HACD4: variants seen among roughly 807,000 people sequenced by gnomAD.
HACD4 encodes 3-hydroxyacyl-CoA dehydratase 4.
In HACD4, 35 loss-of-function variants were observed where a neutral mutation model predicts 33.3. That is an observed-to-expected ratio of 1.05 (90% CI 0.80 to 1.39). The LOEUF (loss-of-function observed/expected upper bound fraction) is 1.39, where lower values mean the gene tolerates loss of function less well. Among genes scored for constraint, HACD4 ranks in the 40% most tolerant of loss-of-function variants. HACD4 has a pLI of 0.00. For synonymous variants in HACD4, 118 were observed against 98.0 expected (o/e 1.20, Z -1.21); for missense variants, 323 against 276.5 (o/e 1.17, Z -1.19).
At chr9:21,026,242 T>G (rs1235485515) in intron 3 of HACD4, among the ~76,000 whole-genome samples, 1 of 152,232 alleles carries the variant, frequency 6.6e-6, no homozygotes. Context: ...CCCATAGTGG[T>G]AAGCAGAAAA....
At chr9:21,013,115 CTTT>C (rs977714563) in intron 4 of HACD4, among the ~76,000 whole-genome samples, 13 of 149,934 alleles carry the variant, frequency 8.7e-5, no homozygotes, top group African/African-American at 3.2e-4. Context: ...TCCAATTTAT[CTTT>C]TTTTTCTTTT....
chr9:21,008,239 T>A (rs1054209741), intron 5 of HACD4, 93 bp from the exon 6 acceptor site: 1 of 1,126,710 alleles, frequency 8.9e-7, no homozygotes, highest in South Asian at 2.1e-5. Context: ...ATATTTTGAA[T>A]TTGATAATGA....
At chr9:21,013,869 T>C (rs796508812) in intron 4 of HACD4, among the ~76,000 whole-genome samples, 3 of 152,196 alleles carry the variant, frequency 2.0e-5, no homozygotes, top group African/African-American at 7.2e-5. Flanking sequence ...CATCTGCCAA[T>C]AGAGATAGTT....
intron 4 of HACD4, among the ~76,000 whole-genome samples, chr9:21,012,515 C>A (rs1842459603): frequency 6.6e-6 from 1 of 152,216 alleles, no homozygotes; most frequent in South Asian, 2.1e-4. Context: ...GTAAATCTCT[C>A]TCAATCCAGG....
chr9:21,005,423 G>A lies in HACD4; in HGVS notation c.*1614C>T, dbSNP rs59467007. On this transcript the variant is annotated 3_prime_UTR_variant, in exon 7 of 7. Transcript: ENST00000495827. The surrounding 1 kb of genome is among the most constrained non-coding windows in gnomAD (Gnocchi z 4.0). Reference sequence around the variant, plus strand: ...AAGTCATCCAATTAGATTTATGTGGGTGTGAACCACAGACCTAATCAGCCA... The same window carrying A: ...AAGTCATCCAATTAGATTTATGTGGATGTGAACCACAGACCTAATCAGCCA... The A allele has an allele frequency of 0.19, 29,370 of 152,126 alleles. 3,186 individuals carry two copies. Among genetic ancestry groups the A allele is most frequent in the African/African-American group, 0.28 (11,808 of 41,476 alleles). The allele number at this position is 152,126 out of a possible 1,614,324, so 9.4% of individuals were successfully genotyped here.
intron 3 of HACD4, among the ~76,000 whole-genome samples, chr9:21,016,263 C>T (rs1277860214): frequency 2.0e-5 from 3 of 151,966 alleles, no homozygotes; most frequent in Admixed American, 6.6e-5. Context: ...AGGATATTTC[C>T]TTTCTTCTTG....
chr9:21,019,152 T>C (rs1167501415), intron 3 of HACD4, among the ~76,000 whole-genome samples: 1 of 152,128 alleles, frequency 6.6e-6, no homozygotes, highest in Non-Finnish European at 1.5e-5. Context: ...ATTCAATAGA[T>C]AATTATTGAG....
intron 3 of HACD4, among the ~76,000 whole-genome samples, chr9:21,025,087 A>C (rs1186282794): frequency 6.6e-6 from 1 of 152,152 alleles, no homozygotes; most frequent in Non-Finnish European, 1.5e-5. Context: ...TTTGTAAGGA[A>C]CTATACTAAA....
At chr9:21,017,980 G>A (rs1317151769) in intron 3 of HACD4, 1 of 152,146 alleles carries the variant, frequency 6.6e-6, no homozygotes, top group Non-Finnish European at 1.5e-5. Context: ...ACTGTCTGTG[G>A]CAAGGTAGCG....
rs1219640137 is a variant in HACD4, at chr9:21,003,621, T to A, written c.*3416A>T. 3 of 152,190 alleles carry A rather than the reference T, an allele frequency of 2.0e-5. No individual in the cohort carries two copies. The highest frequency in any genetic ancestry group is 4.4e-5 in the Non-Finnish European group (3 of 68,018). The allele number at this position is 152,190 out of a possible 1,614,324, so 9.4% of individuals were successfully genotyped here. On this transcript the variant is annotated 3_prime_UTR_variant, in exon 7 of 7. Coordinates refer to ENST00000495827, the MANE Select transcript of HACD4 (RefSeq NM_001010915.5). Reference sequence around the variant, plus strand: ...TTCTTTAGTGGAAATAAGTTACCCATTTTTAAAATTACATTTTTATTATCC... The same window carrying A: ...TTCTTTAGTGGAAATAAGTTACCCAATTTTAAAATTACATTTTTATTATCC...
chr9:21,031,281 C>T, intron 1 of HACD4: 1 of 196,912 alleles, frequency 5.1e-6, no homozygotes, highest in Non-Finnish European at 9.2e-6. Flanking sequence ...GAAGTACTGG[C>T]AGAGGGCTCA....
chr9:21,008,243 A>G, intron 5 of HACD4, 97 bp from the exon 6 acceptor site: 2 of 1,092,294 alleles, frequency 1.8e-6, no homozygotes, highest in Non-Finnish European at 2.5e-6. Context: ...TTTGAATTTG[A>G]TAATGACAGT....
Position 21,013,570 on chromosome 9 carries a change from C to T in HACD4, c.384-1875G>A, listed in dbSNP as rs544376521. On this transcript the variant is annotated intron_variant, in intron 4 of 6. Transcript: ENST00000495827. ...TATCTGGGTTCTAATAGGGATTGCA[C>T]TGAATCTACAGATCAATTTGGGGAA... 7.2e-5 allele frequency among the ~76,000 whole-genome samples: 11 copies of T among 152,322 alleles called. No individual in the cohort carries two copies. In the South Asian group the frequency reaches 2.3e-3, roughly 32 times the overall value.
chr9:20,999,835 A>T lies in HACD4; in HGVS notation c.*7202T>A, dbSNP rs762362430. ...AACGTGTCATCCCTGCTCTCATGGA[A>T]CTTACAGTCAGAGAATATAAATCAC... On this transcript the variant is annotated 3_prime_UTR_variant, in exon 7 of 7. Coordinates refer to ENST00000495827, the MANE Select transcript of HACD4 (RefSeq NM_001010915.5). The T allele has an allele frequency of 6.6e-6, 1 of 152,036 alleles. No individual in the cohort carries two copies. Among genetic ancestry groups the T allele is most frequent in the Non-Finnish European group, 1.5e-5 (1 of 68,038 alleles). The allele number at this position is 152,036 out of a possible 1,614,324, so 9.4% of individuals were successfully genotyped here.
chr9:21,017,885 T>C (rs2275888), intron 3 of HACD4: 46,713 of 151,938 alleles, frequency 0.31, 7,383 homozygotes, highest in East Asian at 0.51. Context: ...CATCCCTTAA[T>C]TGAAGAGGAC....
chr9:21,002,075 AT>A lies in HACD4; in HGVS notation c.*4961del, dbSNP rs1842175033. The A allele has an allele frequency of 6.6e-6, 1 of 152,162 alleles. No individual in the cohort carries two copies. The highest frequency in any genetic ancestry group is 6.5e-5 in the Admixed American group (1 of 15,272). 9.4% of individuals were successfully genotyped at this position (152,162 alleles called of 1,614,324 possible). A position where few individuals can be genotyped will look rare whatever the true frequency, so the allele number is the denominator to read the frequency against. On this transcript the variant is annotated 3_prime_UTR_variant, in exon 7 of 7. Transcript: ENST00000495827. Reference sequence around the variant, plus strand: ...TGATTTTGGACACACAGTGTATATAATTTTGTGAAACTTAAAGGAGTGATAG... The same window carrying A: ...TGATTTTGGACACACAGTGTATATAATTTGTGAAACTTAAAGGAGTGATAG...
chr9:21,028,472 T>G (rs1348405097), intron 2 of HACD4, among the ~76,000 whole-genome samples: 1 of 152,172 alleles, frequency 6.6e-6, no homozygotes, highest in Non-Finnish European at 1.5e-5. Flanking sequence ...AGATTTTCAG[T>G]AAGAAAAAGC....
rs1302318200 is a variant in HACD4, at chr9:21,007,035, C to T, written c.*2G>A. ...TCTCGTGTCACACTGGAATGCTGTA[C>T]TTCACATCTTCTTTTTTTTAATGGG... On this transcript the variant is annotated 3_prime_UTR_variant, in exon 7 of 7. Transcript: ENST00000495827. 94 of 1,525,188 alleles carry T rather than the reference C, an allele frequency of 6.2e-5. 1 individual carries two copies. In the Admixed American group the frequency reaches 1.6e-3, roughly 25 times the overall value. 94.5% of individuals were successfully genotyped at this position (1,525,188 alleles called of 1,614,324 possible).
intron 5 of HACD4, among the ~76,000 whole-genome samples, chr9:21,009,392 T>C (rs1053290771): frequency 1.3e-5 from 2 of 152,160 alleles, no homozygotes; most frequent in Admixed American, 6.6e-5. Context: ...ATGGCAACCA[T>C]ATAAGAACAT....
Sources: gnomAD v4.1 joint callset for allele counts (sites outside exome capture counted in the v4.1 genomes callset) on GRCh38, gnomAD v4.1.1 for gene constraint, Gnocchi (gnomAD v3.1) non-coding constraint, MANE v1.5 for transcripts, NCBI Gene and HGNC (gene_info 2026-07-23, HGNC 2026-07-21) for gene names.